PCSK5: variants seen among roughly 807,000 people sequenced by gnomAD.
PCSK5 encodes the protein prohormone convertase 5.
Under a neutral mutation model 233.2 loss-of-function variants are expected in PCSK5, and 129 were observed. The ratio of observed to expected loss-of-function variants is 0.55; its 90% CI spans 0.48 to 0.64. PCSK5 has a LOEUF of 0.64. Among genes scored for constraint, PCSK5 ranks in the 30% least tolerant of loss-of-function variants. PCSK5 has a pLI of 0.00. For missense variants in PCSK5, 2,076 were observed against 2,430.1 expected (o/e 0.85, Z 3.06); for synonymous variants, 825 against 879.2 (o/e 0.94, Z 1.09).
At position 76,173,495 on chromosome 9, in the gene PCSK5, C is replaced by CTTTTTTTTTTTTTT. The variant is rs1587715951; in HGVS notation, c.1757-1491_1757-1490insTTTTTTTTTTTTTT. Among the ~76,000 whole-genome samples, 21 of 34,600 alleles carry CTTTTTTTTTTTTTT rather than the reference C, an allele frequency of 6.1e-4. 2 individuals carry two copies. Among genetic ancestry groups the CTTTTTTTTTTTTTT allele is most frequent in the East Asian group, 3.5e-3 (4 of 1,132 alleles). The allele number at this position is 34,600 out of a possible 152,430, so 22.7% of individuals were successfully genotyped here. A position where few individuals can be genotyped will look rare whatever the true frequency, so the allele number is the denominator to read the frequency against. ...ACTTTAATGAAATGGAGGCACGTTT[C>CTTTTTTTTTTTTTT]CTTTTTTTTTTTTTTTTTTTTTTTT... On this transcript the variant is annotated intron_variant, in intron 13 of 37. Transcript: ENST00000674117.
chr9:76,206,810 C>T (rs962213295), intron 20 of PCSK5, among the ~76,000 whole-genome samples: 4 of 152,184 alleles, frequency 2.6e-5, no homozygotes, highest in Non-Finnish European at 4.4e-5. Flanking sequence ...TGTAATCTTG[C>T]TGTATTAATT....
At position 76,007,796 on chromosome 9, in the gene PCSK5, T is replaced by TTGTGTGTGTGTGTGTG. The variant is rs59860078; in HGVS notation, c.412-15912_412-15897dup. ...CGCCTGTCACCATGCCCGGCTAATT[T>TTGTGTGTGTGTGTGTG]TGTGTGTGTGTGTGTGTGTGTGTGT... On this transcript the variant is annotated intron_variant, in intron 3 of 37. Coordinates refer to ENST00000674117, the MANE Select transcript of PCSK5 (RefSeq NM_001372043.1). Among the ~76,000 whole-genome samples the TTGTGTGTGTGTGTGTG allele has an allele frequency of 4.7e-3, 605 of 128,288 alleles. 10 individuals carry two copies. Among genetic ancestry groups the TTGTGTGTGTGTGTGTG allele is most frequent in the Non-Finnish European group, 7.6e-3 (468 of 61,756 alleles). 84.2% of individuals were successfully genotyped at this position (128,288 alleles called of 152,430 possible).
chr9:75,906,849 T>A (rs1826284342), intron 1 of PCSK5, among the ~76,000 whole-genome samples: 1 of 152,192 alleles, frequency 6.6e-6, no homozygotes, highest in Non-Finnish European at 1.5e-5. Context: ...TCCTACTCAT[T>A]CCCTTGATAA....
chr9:76,073,874 AGT>A, intron 7 of PCSK5, among the ~76,000 whole-genome samples: 1 of 152,280 alleles, frequency 6.6e-6, no homozygotes, highest in East Asian at 1.9e-4. Flanking sequence ...CTGGAAGCTT[AGT>A]GTGTAAAAAA....
chr9:76,063,149 T>G (rs1587571860), intron 5 of PCSK5, among the ~76,000 whole-genome samples: 1 of 151,538 alleles, frequency 6.6e-6, no homozygotes, highest in Non-Finnish European at 1.5e-5. Flanking sequence ...TTTTTTTTCT[T>G]TTTGAGACAG....
At chr9:76,321,023 C>A (rs921947332) in intron 30 of PCSK5, among the ~76,000 whole-genome samples, 1 of 151,506 alleles carries the variant, frequency 6.6e-6, no homozygotes, top group Non-Finnish European at 1.5e-5. Context: ...ACCATGTTGG[C>A]CAGAATGGTC....
intron 3 of PCSK5, among the ~76,000 whole-genome samples, chr9:76,001,708 A>AT (rs752550207): frequency 9.2e-4 from 140 of 152,136 alleles, no homozygotes; most frequent in Middle Eastern, 3.2e-3. Flanking sequence ...ATTTCCCCTA[A>AT]TGTGCCTGTT....
chr9:75,930,404 C>T lies in PCSK5; in HGVS notation c.193-1975C>T, dbSNP rs73650410. Among the ~76,000 whole-genome samples, 1,456 of 152,108 alleles carry T rather than the reference C, an allele frequency of 9.6e-3. 21 individuals carry two copies. The highest frequency in any genetic ancestry group is 0.032 in the African/African-American group (1,344 of 41,486). On this transcript the variant is annotated intron_variant, in intron 1 of 37. Coordinates refer to ENST00000674117, the MANE Select transcript of PCSK5 (RefSeq NM_001372043.1). ...GGCCAGACCACACAGGCCCCTAGGT[C>T]GGAGGAGGAGAATGGTCTATTCAGT...
chr9:75,905,415 G>A (rs1419533184), intron 1 of PCSK5, among the ~76,000 whole-genome samples: 1 of 152,216 alleles, frequency 6.6e-6, no homozygotes, highest in Admixed American at 6.5e-5. Flanking sequence ...TACTTGGCAA[G>A]CTGAGGCAGA....
intron 13 of PCSK5, among the ~76,000 whole-genome samples, chr9:76,172,374 GA>G (rs1036712501): frequency 4.0e-5 from 6 of 150,172 alleles, no homozygotes; most frequent in Admixed American, 1.3e-4. Flanking sequence ...GGGTAGAGGA[GA>G]AAAAAAAATG....
chr9:76,282,348 C>CT (rs1336465833), intron 24 of PCSK5, among the ~76,000 whole-genome samples: 6 of 111,030 alleles, frequency 5.4e-5, no homozygotes, highest in Admixed American at 9.7e-5. Context: ...TCCTTTTCTT[C>CT]TGTCTTTTTT....
chr9:76,297,537 G>A (rs183940798), intron 27 of PCSK5, among the ~76,000 whole-genome samples: 120 of 152,218 alleles, frequency 7.9e-4, no homozygotes, highest in African/African-American at 2.8e-3. Context: ...TTTAGAACGC[G>A]CCTCCTCACA....
At chr9:76,210,317 T>G (rs1825283271) in intron 20 of PCSK5, among the ~76,000 whole-genome samples, 2 of 152,208 alleles carry the variant, frequency 1.3e-5, no homozygotes, top group Non-Finnish European at 2.9e-5. Context: ...TCCCCACTGA[T>G]GAGGCAATGT....
intron 24 of PCSK5, among the ~76,000 whole-genome samples, chr9:76,247,594 G>T (rs1481996282): frequency 6.6e-6 from 1 of 152,140 alleles, no homozygotes; most frequent in Non-Finnish European, 1.5e-5. Flanking sequence ...GTCAGCCTAG[G>T]AAATCCAGCT....
chr9:76,223,395 A>G (rs1452720435), intron 20 of PCSK5, among the ~76,000 whole-genome samples: 2 of 152,244 alleles, frequency 1.3e-5, no homozygotes, highest in Admixed American at 6.5e-5. Context: ...ATACATGTTC[A>G]GTTATTCTGG....
intron 1 of PCSK5, among the ~76,000 whole-genome samples, chr9:75,910,204 G>A (rs1020576393): frequency 6.6e-6 from 1 of 152,234 alleles, no homozygotes; most frequent in African/African-American, 2.4e-5. Flanking sequence ...CTTGTGTGCA[G>A]TGTAGACTAA....
At chr9:76,237,377 T>A (rs1026879997) in intron 22 of PCSK5, among the ~76,000 whole-genome samples, 14 of 152,192 alleles carry the variant, frequency 9.2e-5, no homozygotes, top group African/African-American at 3.1e-4. Flanking sequence ...CCCTTTTTAT[T>A]TTCTTAGTCC....
At chr9:76,325,699 G>A (rs530358314) in intron 32 of PCSK5, among the ~76,000 whole-genome samples, 3 of 151,350 alleles carry the variant, frequency 2.0e-5, no homozygotes, top group East Asian at 1.9e-4. Context: ...GTGCAATGGC[G>A]CGATCTGGAC....
chr9:76,225,136 G>A (rs915168810), intron 20 of PCSK5, among the ~76,000 whole-genome samples: 1 of 152,168 alleles, frequency 6.6e-6, no homozygotes, highest in African/African-American at 2.4e-5. Context: ...TTGCTCTTCT[G>A]TTCTGGTTTT....
Sources: gnomAD v4.1 joint callset for allele counts (sites outside exome capture counted in the v4.1 genomes callset) on GRCh38, gnomAD v4.1.1 for gene constraint, MANE v1.5 for transcripts, NCBI Gene and HGNC (gene_info 2026-07-23, HGNC 2026-07-21) for gene names.